Variants in HECW2 observed in about 807,000 individuals in gnomAD.
The protein encoded by HECW2 is E3 ubiquitin-protein ligase HECW2.
Under a neutral mutation model 175.2 loss-of-function variants are expected in HECW2, and 61 were observed. The observed-to-expected ratio is 0.35, with a 90% CI of 0.28 to 0.43. HECW2 has a LOEUF of 0.43. Ranked by LOEUF, HECW2 falls within the 20% of genes least tolerant of loss-of-function variation. The pLI is 1.00. For synonymous variants in HECW2, 671 were observed against 731.0 expected (o/e 0.92, Z 1.32); for missense variants, 1,524 against 2,000.5 (o/e 0.76, Z 4.54).
intron 1 of HECW2, among the ~76,000 whole-genome samples, chr2:196,554,710 T>A (rs908331898): frequency 4.6e-5 from 7 of 152,236 alleles, no homozygotes; most frequent in African/African-American, 1.4e-4. Flanking sequence ...TCCACTTTAA[T>A]TTCCACCAGC....
At chr2:196,504,694 A>G (rs1239128939) in intron 1 of HECW2, among the ~76,000 whole-genome samples, 2 of 152,194 alleles carry the variant, frequency 1.3e-5, no homozygotes, top group African/African-American at 4.8e-5. Context: ...TTGGACTTGA[A>G]TTAATTGTTT....
chr2:196,225,977 A>G (rs1687834350), intron 22 of HECW2, 107 bp from the exon 23 acceptor site: 10 of 682,634 alleles, frequency 1.5e-5, no homozygotes, highest in Non-Finnish European at 2.1e-5. Flanking sequence ...AATTTTTCCA[A>G]TATTAATTGC....
At chr2:196,294,117 G>A (rs947840298) in intron 13 of HECW2, among the ~76,000 whole-genome samples, 1 of 152,104 alleles carries the variant, frequency 6.6e-6, no homozygotes, top group African/African-American at 2.4e-5. Flanking sequence ...CCACCACACA[G>A]AAAAGTGATT....
At chr2:196,483,207 GA>G (rs1686900979) in intron 1 of HECW2, among the ~76,000 whole-genome samples, 1 of 151,246 alleles carries the variant, frequency 6.6e-6, no homozygotes. Context: ...ATATGGGATT[GA>G]AACATGCCTT....
intron 1 of HECW2, among the ~76,000 whole-genome samples, chr2:196,492,866 A>G (rs527639202): frequency 6.6e-6 from 1 of 152,108 alleles, no homozygotes; most frequent in South Asian, 2.1e-4. Context: ...CAACAGACTC[A>G]TTTTTTTTGA....
At position 196,307,196 on chromosome 2, in the gene HECW2, G is replaced by A. The variant is rs779819122; in HGVS notation, c.2623C>T (p.Pro875Ser). The change falls in exon 12 of 29, where the codon CCT becomes TCT. Residue 875 changes from proline (P) to serine (S), a missense_variant. Transcript: ENST00000644978. ...SIRRTMTNER[P>S]EENTNAIDGA... ...TCAATAGCATTGGTATTTTCCTCAGGCCTCTCATTGGTCATGGTTCTGCGG... is the reference window on the plus strand; with the variant it reads ...TCAATAGCATTGGTATTTTCCTCAGACCTCTCATTGGTCATGGTTCTGCGG... The A allele has an allele frequency of 3.7e-6, 6 of 1,613,674 alleles. No individual in the cohort carries two copies. Among genetic ancestry groups the A allele is most frequent in the Admixed American group, 3.3e-5 (2 of 60,014 alleles).
At chr2:196,293,658 C>T (rs1224468063) in intron 13 of HECW2, among the ~76,000 whole-genome samples, 1 of 152,166 alleles carries the variant, frequency 6.6e-6, no homozygotes, top group African/African-American at 2.4e-5. Context: ...CCATTAAATC[C>T]TGAAGCTGGT....
rs1293046904 is a variant in HECW2 at position 196,370,506 on chromosome 2, A to G, written c.293-26742T>C. 2.0e-5 allele frequency among the ~76,000 whole-genome samples: 3 copies of G among 152,256 alleles called. No individual in the cohort carries two copies. The East Asian group carries it at 5.8e-4, about 29-fold the overall frequency. ...CTGGGGGTGGGAGAGGGATGGCACA[A>G]GCACTCCCCTGGCTACCCCAGCTGG... On this transcript the variant is annotated intron_variant, in intron 2 of 28. Transcript: ENST00000644978.
At chr2:196,406,939 T>C (rs12693793) in intron 2 of HECW2, among the ~76,000 whole-genome samples, 1 of 152,192 alleles carries the variant, frequency 6.6e-6, no homozygotes, top group Non-Finnish European at 1.5e-5. Context: ...TGAAATACTA[T>C]CTGACATTTT....
chr2:196,484,688 C>T (rs962214763), intron 1 of HECW2, among the ~76,000 whole-genome samples: 6 of 152,128 alleles, frequency 3.9e-5, no homozygotes, highest in Non-Finnish European at 8.8e-5. Flanking sequence ...TGGGTACAAC[C>T]TATTTTGGTT....
Position 196,524,738 on chromosome 2 carries a change from C to T in HECW2, c.-36+68770G>A, listed in dbSNP as rs368461734. Among the ~76,000 whole-genome samples, 5 of 119,882 alleles carry T rather than the reference C, an allele frequency of 4.2e-5. 2 individuals carry two copies. Among genetic ancestry groups the T allele is most frequent in the South Asian group, 5.2e-4 (2 of 3,874 alleles). 78.6% of individuals were successfully genotyped at this position (119,882 alleles called of 152,430 possible). A position where few individuals can be genotyped will look rare whatever the true frequency, so the allele number is the denominator to read the frequency against. ...TCTGCCTTCATTTTGTTATGTACCCCGTAGTCATTCAGGAGCAGGTTGTTC... is the reference window on the plus strand; with the variant it reads ...TCTGCCTTCATTTTGTTATGTACCCTGTAGTCATTCAGGAGCAGGTTGTTC... On this transcript the variant is annotated intron_variant, in intron 1 of 28. Transcript: ENST00000644978.
intron 2 of HECW2, among the ~76,000 whole-genome samples, chr2:196,386,698 T>C (rs921244758): frequency 2.6e-5 from 4 of 152,222 alleles, no homozygotes; most frequent in African/African-American, 9.6e-5. Flanking sequence ...GATTTTTGAA[T>C]GTGACTAATT....
At chr2:196,468,540 C>CTG (rs1382699086) in intron 1 of HECW2, among the ~76,000 whole-genome samples, 2 of 152,206 alleles carry the variant, frequency 1.3e-5, no homozygotes, top group Non-Finnish European at 2.9e-5. Flanking sequence ...GCCTCTGAGT[C>CTG]AGTAGGATTG....
At chr2:196,415,562 G>A (rs2125236199) in intron 2 of HECW2, among the ~76,000 whole-genome samples, 1 of 151,884 alleles carries the variant, frequency 6.6e-6, no homozygotes, top group Middle Eastern at 3.4e-3. Flanking sequence ...TCTCATCACA[G>A]CTGACTTCCT....
intron 10 of HECW2, among the ~76,000 whole-genome samples, chr2:196,314,271 G>C (rs972555529): frequency 6.6e-6 from 1 of 152,212 alleles, no homozygotes; most frequent in Admixed American, 6.5e-5. Flanking sequence ...AGCACCTTTT[G>C]AGTCTTCCTG....
At chr2:196,561,134 A>G (rs1480190496) in intron 1 of HECW2, among the ~76,000 whole-genome samples, 1 of 152,226 alleles carries the variant, frequency 6.6e-6, no homozygotes, top group Non-Finnish European at 1.5e-5. Flanking sequence ...TTCTTTCCCC[A>G]GTAAGGAATA....
chr2:196,456,078 C>A (rs113325696), intron 1 of HECW2, among the ~76,000 whole-genome samples: 3,129 of 152,118 alleles, frequency 0.021, 96 homozygotes, highest in African/African-American at 0.072. Context: ...TAAATTATTT[C>A]TAGATATGAA....
intron 10 of HECW2, among the ~76,000 whole-genome samples, chr2:196,310,028 T>C (rs772113642): frequency 1.3e-5 from 2 of 152,188 alleles, no homozygotes; most frequent in Non-Finnish European, 2.9e-5. Context: ...GGTCTATATG[T>C]ATAGCAAAAT....
At chr2:196,292,356 C>T in intron 14 of HECW2, 2 of 487,382 alleles carry the variant, frequency 4.1e-6, no homozygotes, top group East Asian at 6.4e-5. Flanking sequence ...GCGTCACAGC[C>T]CTCCCTCCGC....
Sources: gnomAD v4.1 joint callset for allele counts (sites outside exome capture counted in the v4.1 genomes callset) on GRCh38, gnomAD v4.1.1 for gene constraint, MANE v1.5 for transcripts, NCBI Gene and HGNC (gene_info 2026-07-23, HGNC 2026-07-21) for gene names.